RGS6: variants seen among roughly 807,000 people sequenced by gnomAD.
RGS6 encodes the protein regulator of G-protein signaling 6.
RGS6 carries 30 observed loss-of-function variants against 78.5 expected under a neutral mutation model. That is an observed-to-expected ratio of 0.38 (90% CI 0.29 to 0.52). The LOEUF is 0.52. RGS6 is among the 20% of genes least tolerant of loss of function. The pLI, the probability that RGS6 is intolerant of heterozygous loss-of-function variation, is 0.85. For missense variants in RGS6, 495 were observed against 609.7 expected (o/e 0.81, Z 1.98); for synonymous variants, 206 against 206.0 (o/e 1.00, Z 0.00).
At chr14:71,932,267 C>G (rs1010361400), upstream of RGS6, among the ~76,000 whole-genome samples, 1 of 151,754 alleles carries the variant, frequency 6.6e-6, no homozygotes, top group African/African-American at 2.4e-5. Context: ...GGGACGCGCT[C>G]AGGTGCCGGT....
chr14:71,897,809 G>A, the RGS6 span, among the ~76,000 whole-genome samples: 143 of 152,166 alleles, frequency 9.4e-4, 1 homozygote, highest in African/African-American at 3.2e-3. Flanking sequence ...GTGAGCCACC[G>A]CGCCCGGCCC....
At chr14:72,456,115 A>T (rs1388931884) in intron 4 of RGS6, among the ~76,000 whole-genome samples, 1 of 152,178 alleles carries the variant, frequency 6.6e-6, no homozygotes, top group Non-Finnish European at 1.5e-5. Flanking sequence ...TTGGGAAGAC[A>T]TCATGGTATA....
rs1312628821 is a variant in RGS6 at position 72,101,517 on chromosome 14, G to A, written c.84+136642G>A. Among the ~76,000 whole-genome samples, 5 of 152,066 alleles carry A rather than the reference G, an allele frequency of 3.3e-5. No homozygotes were observed. The South Asian group carries it at 6.2e-4, about 19-fold the overall frequency. On this transcript the variant is annotated intron_variant, in intron 2 of 17. Coordinates refer to ENST00000553525, the MANE Select transcript of RGS6 (RefSeq NM_001204424.2). ...TAGTAACATACAACCATCAGTGTCT[G>A]TAGCTGTGGCAGGAGGCTTTCTGCT...
Position 72,431,815 on chromosome 14 carries a change from G to A in RGS6, c.185-22713G>A, listed in dbSNP as rs542250602. Among the ~76,000 whole-genome samples, 60 of 152,202 alleles carry A rather than the reference G, an allele frequency of 3.9e-4. 1 individual carries two copies. The South Asian group carries it at 0.011, about 28-fold the overall frequency. ...ATTCTCGCTGGATCTCCCAGTGGCC[G>A]TTCAGCTTGGACCGCCTTTTCTCCT... On this transcript the variant is annotated intron_variant, in intron 3 of 17. Coordinates refer to ENST00000553525, the MANE Select transcript of RGS6 (RefSeq NM_001204424.2).
intron 2 of RGS6, among the ~76,000 whole-genome samples, chr14:72,052,483 G>A (rs540796691): frequency 1.6e-4 from 24 of 152,302 alleles, no homozygotes; most frequent in African/African-American, 5.3e-4. Flanking sequence ...CTGCAGTGAT[G>A]AGAAGCCTCT....
chr14:72,477,861 C>T (rs2096278146), intron 11 of RGS6, among the ~76,000 whole-genome samples: 1 of 151,794 alleles, frequency 6.6e-6, no homozygotes, highest in South Asian at 2.1e-4. Flanking sequence ...TGATTCCAGT[C>T]AAGCATGCCA....
intron 4 of RGS6, among the ~76,000 whole-genome samples, chr14:72,457,287 C>A (rs1412891507): frequency 1.3e-5 from 2 of 152,118 alleles, no homozygotes; most frequent in African/African-American, 4.8e-5. Context: ...TTTAAAAAGT[C>A]AGAGCTCGTG....
rs1370393723 is a variant in RGS6, at chr14:72,540,455, C to A, written c.1422+361C>A. ...CTCAGGGAGAAGCCATCGAACTATA[C>A]CGTGAAATAAATTGGCTCAGAACCA... On this transcript the variant is annotated intron_variant, in intron 17 of 17. Transcript: ENST00000553525. 1.4e-5 allele frequency: 21 copies of A among 1,516,918 alleles called. No homozygotes were observed. In the East Asian group the frequency reaches 4.5e-4, roughly 33 times the overall value. The allele number at this position is 1,516,918 out of a possible 1,614,324, so 94.0% of individuals were successfully genotyped here. A position where few individuals can be genotyped will look rare whatever the true frequency, so the allele number is the denominator to read the frequency against.
intron 2 of RGS6, among the ~76,000 whole-genome samples, chr14:72,115,982 C>G (rs1370111340): frequency 6.6e-6 from 1 of 152,122 alleles, no homozygotes; most frequent in African/African-American, 2.4e-5. Context: ...TTCTGTATTC[C>G]CTGTTAAGGA....
At chr14:72,547,095 C>A (rs1357893444) in intron 17 of RGS6, 3 of 1,371,072 alleles carry the variant, frequency 2.2e-6, no homozygotes, top group Non-Finnish European at 3.0e-6. Context: ...TGCAGGGCCC[C>A]CCGCAGGATA....
intron 17 of RGS6, among the ~76,000 whole-genome samples, chr14:72,544,820 C>T (rs2153518623): frequency 6.6e-6 from 1 of 152,336 alleles, no homozygotes; most frequent in African/African-American, 2.4e-5. Context: ...AAGAAGTCAA[C>T]AGCTCACTCA....
rs146030706 is a variant in RGS6 at position 72,517,646 on chromosome 14, T to C, written c.1092-705T>C. Among the ~76,000 whole-genome samples the C allele has an allele frequency of 2.0e-5, 3 of 152,360 alleles. No individual in the cohort carries two copies. In the East Asian group the frequency reaches 5.8e-4, roughly 29 times the overall value. On this transcript the variant is annotated intron_variant, in intron 14 of 17. Transcript: ENST00000553525. The stretch of plus-strand genomic sequence containing the variant: ...CCGTCTTCACTCTGAAACCCATATA[T>C]TGAGCACCTACTATTTGCCAAGCAC...
At position 72,182,771 on chromosome 14, in the gene RGS6, T is replaced by C. The variant is rs536253708; in HGVS notation, c.85-169324T>C. Among the ~76,000 whole-genome samples the C allele has an allele frequency of 3.9e-5, 6 of 152,302 alleles. No individual in the cohort carries two copies. The South Asian group carries it at 6.2e-4, about 16-fold the overall frequency. ...CTAGTAGGTAAGAGGGAAAATCCAT[T>C]GTGGGGAAATGTGCCAATGACTGTT... On this transcript the variant is annotated intron_variant, in intron 2 of 17. Coordinates refer to ENST00000553525, the MANE Select transcript of RGS6 (RefSeq NM_001204424.2).
At chr14:72,582,795 C>T in the RGS6 span, among the ~76,000 whole-genome samples, 1 of 152,124 alleles carries the variant, frequency 6.6e-6, no homozygotes, top group African/African-American at 2.4e-5. Context: ...ACACCCTCCA[C>T]CCTGTCTGGT....
At chr14:71,963,716 A>G (rs954880865) in intron 1 of RGS6, among the ~76,000 whole-genome samples, 11 of 152,196 alleles carry the variant, frequency 7.2e-5, no homozygotes, top group African/African-American at 2.7e-4. Context: ...TTATTGCTCA[A>G]TGATATCCCA....
the RGS6 span, among the ~76,000 whole-genome samples, chr14:72,592,170 T>C: frequency 6.6e-6 from 1 of 152,022 alleles, no homozygotes; most frequent in Non-Finnish European, 1.5e-5. Flanking sequence ...CCTGAGATCC[T>C]CTGAAAATGC....
In RGS6 at chr14:72,233,177, C is replaced by A. The variant is rs115058862; in HGVS notation, c.85-118918C>A. ...CTGTCCCACTTCAGGGCCCAAAGTGCTCTGATTCTAATGCCAGCCTCTTTG... is the reference window on the plus strand; with the variant it reads ...CTGTCCCACTTCAGGGCCCAAAGTGATCTGATTCTAATGCCAGCCTCTTTG... On this transcript the variant is annotated intron_variant, in intron 2 of 17. Coordinates refer to ENST00000553525, the MANE Select transcript of RGS6 (RefSeq NM_001204424.2). Among the ~76,000 whole-genome samples, 563 of 152,320 alleles carry A rather than the reference C, an allele frequency of 3.7e-3. 3 individuals are homozygous for A. Among genetic ancestry groups the A allele is most frequent in the African/African-American group, 0.012 (514 of 41,570 alleles).
intron 2 of RGS6, among the ~76,000 whole-genome samples, chr14:72,176,843 C>T (rs2097111087): frequency 6.6e-6 from 1 of 152,164 alleles, no homozygotes; most frequent in Non-Finnish European, 1.5e-5. Context: ...ATGTAATGTT[C>T]ACTTAGGTCA....
chr14:72,210,554 A>G (rs1369835625), intron 2 of RGS6, among the ~76,000 whole-genome samples: 3 of 152,228 alleles, frequency 2.0e-5, no homozygotes, highest in African/African-American at 7.2e-5. Context: ...TTTGTCCTGA[A>G]GAACAGATTC....
Sources: allele counts gnomAD v4.1 joint callset (sites outside exome capture counted in the v4.1 genomes callset), GRCh38; gene constraint gnomAD v4.1.1; transcripts MANE v1.5; gene names NCBI Gene and HGNC (gene_info 2026-07-23, HGNC 2026-07-21).